Variants in MYO5C observed in about 807,000 individuals in gnomAD.
The protein encoded by MYO5C is unconventional myosin-Vc.
MYO5C carries 194 observed loss-of-function variants against 235.7 expected under a neutral mutation model. The observed-to-expected ratio is 0.82, with a 90% CI of 0.73 to 0.93. The LOEUF is 0.93. Ranked by LOEUF, MYO5C falls within the 40% of genes least tolerant of loss-of-function variation. The pLI is 0.00. For synonymous variants in MYO5C, 707 were observed against 754.8 expected (o/e 0.94, Z 1.04); for missense variants, 2,038 against 2,127.2 (o/e 0.96, Z 0.82).
At chr15:52,256,582 C>CAT in intron 11 of MYO5C, 57 bp downstream of exon 11, 2 of 1,003,776 alleles carry the variant, frequency 2.0e-6, no homozygotes, top group Non-Finnish European at 3.0e-6. Flanking sequence ...CACACACACA[C>CAT]ACACACGCGC....
chr15:52,194,068 C>G lies in MYO5C; in HGVS notation c.5077-14G>C, dbSNP rs766704017. 7 of 1,602,754 alleles carry G rather than the reference C, an allele frequency of 4.4e-6. No individual in the cohort carries two copies. Among genetic ancestry groups the G allele is most frequent in the South Asian group, 2.3e-5 (2 of 88,210 alleles). On this transcript the variant is annotated splice_polypyrimidine_tract_variant and intron_variant, in intron 40 of 40. Coordinates refer to ENST00000261839, the MANE Select transcript of MYO5C (RefSeq NM_018728.4). ...ATTTAGGAGAGCCTGAAATTAGAATCAGAGGAAAAATGAGTAAGGAAACTA... is the reference window on the plus strand; with the variant it reads ...ATTTAGGAGAGCCTGAAATTAGAATGAGAGGAAAAATGAGTAAGGAAACTA...
At chr15:52,288,832 C>CAA (rs2037329155) in intron 1 of MYO5C, among the ~76,000 whole-genome samples, 1 of 152,186 alleles carries the variant, frequency 6.6e-6, no homozygotes, top group Non-Finnish European at 1.5e-5. Context: ...CCCTGAGTGC[C>CAA]CTCCCCATGC....
chr15:52,215,539 A>C (rs1030010952), intron 32 of MYO5C, among the ~76,000 whole-genome samples: 1 of 151,990 alleles, frequency 6.6e-6, no homozygotes, highest in Admixed American at 6.6e-5. Context: ...CTGTGCGGCC[A>C]CCTCTCTCCC....
At chr15:52,205,266 T>G in intron 37 of MYO5C, 119 bp from the exon 38 acceptor site, 1 of 1,142,702 alleles carries the variant, frequency 8.8e-7, no homozygotes, top group Non-Finnish European at 1.2e-6. Context: ...GTGGATGTAC[T>G]TATGATAGAG....
intron 14 of MYO5C, among the ~76,000 whole-genome samples, chr15:52,248,262 G>C (rs1239643182): frequency 1.3e-5 from 2 of 152,034 alleles, no homozygotes; most frequent in South Asian, 4.2e-4. Flanking sequence ...CCCCACCTCA[G>C]CCTCCCAAGT....
At chr15:52,295,571 C>G (rs949689710) in intron 1 of MYO5C, 39 bp downstream of exon 1, 6 of 1,499,178 alleles carry the variant, frequency 4.0e-6, no homozygotes, top group East Asian at 3.0e-5. Context: ...AGGGCCGGCT[C>G]CCCCACAGCG....
rs1453915048 is a variant in MYO5C at position 52,239,811 on chromosome 15, G to C, written c.2625C>G (p.Phe875Leu). The C allele has an allele frequency of 1.2e-6, 2 of 1,613,840 alleles. No homozygotes were observed. Among genetic ancestry groups the C allele is most frequent in the Non-Finnish European group, 1.7e-6 (2 of 1,179,936 alleles). ...YARAWLARRR[F>L]QSIRRFVLNI... ...TAAGCACGAATCGTCGGATACTCTG[G>C]AATCTGCGTCTGGCCAGCCACGCCC... Residue 875 changes from phenylalanine (F) to leucine (L), a missense_variant, in exon 21 of 41, where the codon TTC becomes TTG. Transcript: ENST00000261839.
Position 52,272,071 on chromosome 15 carries a change from C to T in MYO5C, c.751-227G>A, listed in dbSNP as rs188914429. On this transcript the variant is annotated intron_variant, in intron 6 of 40. Coordinates refer to ENST00000261839, the MANE Select transcript of MYO5C (RefSeq NM_018728.4). ...CAGAGAAAGTGTTATTAAATGAAAA[C>T]GTCCTATGAAATGGGAATGGCGTAA... Among the ~76,000 whole-genome samples the T allele has an allele frequency of 1.6e-3, 240 of 152,274 alleles. 2 individuals carry two copies. The highest frequency in any genetic ancestry group is 5.4e-3 in the African/African-American group (225 of 41,566).
Position 52,256,737 on chromosome 15 carries a change from A to G in MYO5C, c.1314-17T>C, listed in dbSNP as rs765121314. 4 of 1,591,054 alleles carry G rather than the reference A, an allele frequency of 2.5e-6. No homozygotes were observed. Among genetic ancestry groups the G allele is most frequent in the Non-Finnish European group, 3.4e-6 (4 of 1,159,990 alleles). ...GTTTCAAAACTGAAATACAATTTAA[A>G]CAAGTTAAAATATAACCTGAAGCAA... On this transcript the variant is annotated splice_polypyrimidine_tract_variant and intron_variant, in intron 10 of 40. Transcript: ENST00000261839.
At chr15:52,195,627 G>C (rs2035029917) in intron 39 of MYO5C, among the ~76,000 whole-genome samples, 170 bp from the exon 40 acceptor site, 1 of 152,102 alleles carries the variant, frequency 6.6e-6, no homozygotes. Context: ...AACAAGGGGA[G>C]AAAAGTGCCT....
rs748244642 is a variant in MYO5C, at chr15:52,244,423, T to C, written c.2323A>G (p.Lys775Glu). The change falls in exon 19 of 41, where the codon AAA becomes GAA. Residue 775 changes from lysine (K) to glutamate (E), a missense_variant. Lys to Glu is a moderately conservative substitution (Grantham distance 56). Coordinates refer to ENST00000261839, the MANE Select transcript of MYO5C (RefSeq NM_018728.4). ...KHMRGWLQRK[K>E]FLRERRAALI... is the part of the protein sequence containing the mutation. ...GCGGCTCGTCTCTCTCGGAGGAATT[T>C]TTTCCTCTGGAGCCAGCCACGCATG... The C allele has an allele frequency of 6.2e-7, 1 of 1,614,080 alleles. No individual in the cohort carries two copies. Among genetic ancestry groups the C allele is most frequent in the Non-Finnish European group, 8.5e-7 (1 of 1,180,014 alleles).
intron 1 of MYO5C, among the ~76,000 whole-genome samples, chr15:52,286,602 ATTC>A (rs995791585): frequency 6.6e-6 from 1 of 152,088 alleles, no homozygotes. Context: ...ACTAAGAAAA[ATTC>A]TTCTTCCTTG....
intron 12 of MYO5C, 122 bp from the exon 13 acceptor site, chr15:52,251,637 G>A: frequency 2.3e-6 from 1 of 432,214 alleles, no homozygotes; most frequent in South Asian, 9.1e-5. Flanking sequence ...CTCAATTAGA[G>A]GCTTTTTATT....
chr15:52,255,688 AG>A (rs1566981570), intron 11 of MYO5C, among the ~76,000 whole-genome samples: 1 of 152,220 alleles, frequency 6.6e-6, no homozygotes, highest in East Asian at 1.9e-4. Flanking sequence ...TCTTGCATCT[AG>A]GGAACTGATT....
At chr15:52,220,530 A>T (rs1011761716) in intron 30 of MYO5C, among the ~76,000 whole-genome samples, 2 of 152,032 alleles carry the variant, frequency 1.3e-5, no homozygotes, top group African/African-American at 4.8e-5. Context: ...TTTTAAAAAA[A>T]TTTTTGGGCT....
In MYO5C at chr15:52,258,969, A is replaced by G. The variant is rs779166866; in HGVS notation, c.1313+1893T>C. 2.0e-5 allele frequency among the ~76,000 whole-genome samples: 3 copies of G among 152,088 alleles called. 1 individual carries two copies. Among genetic ancestry groups the G allele is most frequent in the South Asian group, 4.1e-4 (2 of 4,820 alleles). The stretch of plus-strand genomic sequence containing the variant: ...CTGTCCCCACCCTCTGCTAACCTCC[A>G]GCACACCTTCCTCCCTTCCCAGGAC... On this transcript the variant is annotated intron_variant, in intron 10 of 40. Transcript: ENST00000261839.
At chr15:52,284,154 C>T (rs976512714) in intron 1 of MYO5C, among the ~76,000 whole-genome samples, 5 of 151,492 alleles carry the variant, frequency 3.3e-5, no homozygotes, top group Admixed American at 2.6e-4. Flanking sequence ...GACATAGTAA[C>T]TTTATTTATA....
chr15:52,271,832 G>A lies in MYO5C; in HGVS notation c.763C>T (p.Arg255Ter), dbSNP rs199686118. The A allele has an allele frequency of 1.1e-4, 173 of 1,585,550 alleles. No individual in the cohort carries two copies. Among genetic ancestry groups the A allele is most frequent in the Middle Eastern group, 1.7e-4 (1 of 5,982 alleles). The change falls in exon 7 of 41, where the codon CGA becomes TGA. Residue 255 changes from arginine (R) to a stop codon, truncating the protein, a stop_gained. Coordinates refer to ENST00000261839, the MANE Select transcript of MYO5C (RefSeq NM_018728.4). LOFTEE classifies it high-confidence loss of function. Reference sequence around the variant, plus strand: ...AGCTGATAGAAAATGTGGTAATTTCGTTCATTTTCCGACTGTAAGATAAAG... The same window carrying A: ...AGCTGATAGAAAATGTGGTAATTTCATTCATTTTCCGACTGTAAGATAAAG... ...SRVVFQSENE[R>*]NYHIFYQLCA...
In MYO5C at chr15:52,213,542, T is replaced by C. The variant is rs566321250; in HGVS notation, c.4043-256A>G. ...TGAAGAGCCTTATGAGTGCCTGATA[T>C]GTATCCAGCACATGGTAACAGGAAA... On this transcript the variant is annotated intron_variant, in intron 33 of 40. Transcript: ENST00000261839. 19 of 343,270 alleles carry C rather than the reference T, an allele frequency of 5.5e-5. No homozygotes were observed. The East Asian group carries it at 8.7e-4, about 16-fold the overall frequency. The allele number at this position is 343,270 out of a possible 1,614,324, so 21.3% of individuals were successfully genotyped here.
Sources: gnomAD v4.1 joint callset for allele counts (sites outside exome capture counted in the v4.1 genomes callset) on GRCh38, gnomAD v4.1.1 for gene constraint, MANE v1.5 for transcripts, NCBI Gene and HGNC (gene_info 2026-07-23, HGNC 2026-07-21) for gene names.